GPATCH2: variants seen among roughly 807,000 people sequenced by gnomAD.
GPATCH2 encodes G patch domain-containing protein 2.
In GPATCH2, 51 loss-of-function variants were observed where a neutral mutation model predicts 58.0. The ratio of observed to expected loss-of-function variants is 0.88; its 90% CI spans 0.70 to 1.11. The LOEUF is 1.11. GPATCH2 is among the 50% of genes most tolerant of loss of function. GPATCH2 has a pLI of 0.00. For synonymous variants in GPATCH2, 222 were observed against 218.5 expected (o/e 1.02, Z -0.14); for missense variants, 625 against 652.2 (o/e 0.96, Z 0.45).
intron 8 of GPATCH2, among the ~76,000 whole-genome samples, chr1:217,452,973 A>AC (rs1216721398): frequency 6.6e-6 from 1 of 151,810 alleles, no homozygotes; most frequent in Non-Finnish European, 1.5e-5. Context: ...CTTGCCCCAC[A>AC]CCCCCCTTCT....
chr1:217,431,435 G>A (rs7520483), intron 9 of GPATCH2, 70 bp from the exon 10 acceptor site: 267,726 of 903,940 alleles, frequency 0.3, 41,869 homozygotes, highest in Middle Eastern at 0.39. Context: ...CTATGAAAAC[G>A]ATGTTCTCCT....
At chr1:217,630,415 T>C (rs952548063) in intron 1 of GPATCH2, among the ~76,000 whole-genome samples, 1 of 152,300 alleles carries the variant, frequency 6.6e-6, no homozygotes, top group Non-Finnish European at 1.5e-5. Flanking sequence ...TTAACTTGAA[T>C]AGAATGTTCA....
intron 5 of GPATCH2, among the ~76,000 whole-genome samples, chr1:217,528,730 G>A (rs962895126): frequency 7.2e-5 from 11 of 152,198 alleles, no homozygotes; most frequent in African/African-American, 2.7e-4. Flanking sequence ...TGCTGCATTT[G>A]TGGAAGGAGG....
At chr1:217,463,123 A>C (rs377722109) in intron 8 of GPATCH2, among the ~76,000 whole-genome samples, 132 of 152,346 alleles carry the variant, frequency 8.7e-4, no homozygotes, top group African/African-American at 3.1e-3. Context: ...AAGAGTAAAG[A>C]AACTCTGCGG....
At chr1:217,536,910 T>C in intron 5 of GPATCH2, among the ~76,000 whole-genome samples, 1 of 151,788 alleles carries the variant, frequency 6.6e-6, no homozygotes. Flanking sequence ...CGGCGGAGGG[T>C]GCAGTGAGCC....
At chr1:217,505,101 G>C (rs1662485946) in intron 6 of GPATCH2, among the ~76,000 whole-genome samples, 1 of 152,166 alleles carries the variant, frequency 6.6e-6, no homozygotes, top group East Asian at 1.9e-4. Context: ...CTGATCAACT[G>C]TAAAGAATGG....
At position 217,430,784 on chromosome 1, in the gene GPATCH2, G is replaced by T. The variant is rs1001091531; in HGVS notation, c.*361C>A. ...CCTGTCTATTCCATTTTAGAAACTG[G>T]TGGGTGTGCTCACGTTTGTCTGGGC... On this transcript the variant is annotated 3_prime_UTR_variant, in exon 10 of 10. Coordinates refer to ENST00000366935, the MANE Select transcript of GPATCH2 (RefSeq NM_018040.5). The T allele has an allele frequency of 9.6e-5, 22 of 229,684 alleles. No homozygotes were observed. The highest frequency in any genetic ancestry group is 4.6e-4 in the African/African-American group (20 of 43,782). 14.2% of individuals were successfully genotyped at this position (229,684 alleles called of 1,614,324 possible).
At chr1:217,463,917 A>C (rs968699135) in intron 8 of GPATCH2, among the ~76,000 whole-genome samples, 10 of 152,146 alleles carry the variant, frequency 6.6e-5, no homozygotes, top group Non-Finnish European at 1.5e-4. Context: ...ACAGAATAGC[A>C]TCTGGGTTCC....
At chr1:217,524,796 G>A (rs1279658773) in intron 5 of GPATCH2, among the ~76,000 whole-genome samples, 1 of 139,662 alleles carries the variant, frequency 7.2e-6, no homozygotes, top group East Asian at 2.2e-4. Context: ...GTTGCAGTGA[G>A]CCGAGATGGC....
chr1:217,626,263 T>C (rs1187533735), intron 1 of GPATCH2, among the ~76,000 whole-genome samples: 1 of 152,188 alleles, frequency 6.6e-6, no homozygotes, highest in Non-Finnish European at 1.5e-5. Flanking sequence ...TAAATAAAAA[T>C]TCAGTGTGTA....
rs192284686 is a variant in GPATCH2, at chr1:217,517,765, C to T, written c.1099-2876G>A. Among the ~76,000 whole-genome samples the T allele has an allele frequency of 2.8e-3, 420 of 152,186 alleles. 1 individual carries two copies. The highest frequency in any genetic ancestry group is 9.2e-3 in the African/African-American group (384 of 41,544). ...CATGCTAATTTTAGTGATTTCAGAA[C>T]TGTCTTAGAAATCACAAATTTTAAG... On this transcript the variant is annotated intron_variant, in intron 5 of 9. Transcript: ENST00000366935.
At chr1:217,559,980 C>T (rs1665840585) in intron 5 of GPATCH2, among the ~76,000 whole-genome samples, 1 of 152,024 alleles carries the variant, frequency 6.6e-6, no homozygotes. Context: ...TCCCAAGTAG[C>T]TGGGAGTACA....
chr1:217,609,673 T>A, intron 5 of GPATCH2: 1 of 973,650 alleles, frequency 1.0e-6, no homozygotes, highest in Non-Finnish European at 1.2e-6. Context: ...GCAAATATTT[T>A]AAATAATGCT....
At chr1:217,477,810 C>T (rs867667852) in intron 8 of GPATCH2, among the ~76,000 whole-genome samples, 129 of 152,250 alleles carry the variant, frequency 8.5e-4, no homozygotes, top group African/African-American at 2.7e-3. Flanking sequence ...TCTGGACCTA[C>T]CTGGGGTCAG....
rs576346920 is a variant in GPATCH2, at chr1:217,464,173, T to C, written c.1278-14836A>G. ...GTCATAATTAAGAGTACTCTGCGAATATGGTGGCAATGACACTGTTGTTGA... is the reference window on the plus strand; with the variant it reads ...GTCATAATTAAGAGTACTCTGCGAACATGGTGGCAATGACACTGTTGTTGA... On this transcript the variant is annotated intron_variant, in intron 8 of 9. Transcript: ENST00000366935. Among the ~76,000 whole-genome samples, 7 of 152,258 alleles carry C rather than the reference T, an allele frequency of 4.6e-5. No homozygotes were observed. The South Asian group carries it at 1.5e-3, about 32-fold the overall frequency.
intron 8 of GPATCH2, among the ~76,000 whole-genome samples, chr1:217,462,606 A>G (rs1413763477): frequency 3.3e-5 from 5 of 152,198 alleles, no homozygotes; most frequent in Non-Finnish European, 7.3e-5. Context: ...TGGGGATAAT[A>G]AGAATATCTA....
At chr1:217,530,365 C>T (rs1037282654) in intron 5 of GPATCH2, among the ~76,000 whole-genome samples, 3 of 152,138 alleles carry the variant, frequency 2.0e-5, no homozygotes. Context: ...TATTTCATTG[C>T]TTTATTACAA....
At chr1:217,452,468 C>T (rs547017246) in intron 8 of GPATCH2, among the ~76,000 whole-genome samples, 1 of 152,280 alleles carries the variant, frequency 6.6e-6, no homozygotes, top group African/African-American at 2.4e-5. Flanking sequence ...CTCACTGTGA[C>T]TATTAATACC....
At chr1:217,466,674 AG>A (rs1257843052) in intron 8 of GPATCH2, among the ~76,000 whole-genome samples, 1 of 152,198 alleles carries the variant, frequency 6.6e-6, no homozygotes, top group Non-Finnish European at 1.5e-5. Flanking sequence ...GGCCTCAAAA[AG>A]GAAGGGAGAG....
Sources: gnomAD v4.1 joint callset for allele counts (sites outside exome capture counted in the v4.1 genomes callset) on GRCh38, gnomAD v4.1.1 for gene constraint, MANE v1.5 for transcripts, NCBI Gene and HGNC (gene_info 2026-07-23, HGNC 2026-07-21) for gene names.